LARGE1: variants seen among roughly 807,000 people sequenced by gnomAD.
LARGE1 encodes LARGE xylosyl- and glucuronyltransferase 1.
Under a neutral mutation model 87.6 loss-of-function variants are expected in LARGE1, and 43 were observed. The observed-to-expected ratio is 0.49, with a 90% CI of 0.38 to 0.63. The LOEUF is 0.63. Among genes scored for constraint, LARGE1 ranks in the 30% least tolerant of loss-of-function variants. The pLI is 0.00. For synonymous variants in LARGE1, 434 were observed against 394.6 expected, an observed-to-expected ratio of 1.10 and a Z score of -1.18; for missense variants, 802 against 1,000.2, an observed-to-expected ratio of 0.80 and a Z score of 2.67.
chr22:33,518,454 A>C (rs2148488727), intron 6 of LARGE1, among the ~76,000 whole-genome samples: 1 of 152,358 alleles, frequency 6.6e-6, no homozygotes, highest in East Asian at 1.9e-4. Context: ...GAATAAAGGC[A>C]CATGCCACCA....
In LARGE1 at chr22:33,604,569, TG is replaced by T; in HGVS notation, c.492-12del. 1 of 1,613,624 alleles carries T rather than the reference TG, an allele frequency of 6.2e-7. No homozygotes were observed. The highest frequency in any genetic ancestry group is 8.5e-7 in the Non-Finnish European group (1 of 1,179,864). On this transcript the variant is annotated splice_polypyrimidine_tract_variant and intron_variant, in intron 4 of 14. Transcript: ENST00000397394. ...TGCAGAGGGTTCCGTCTGTGGGGAG[TG>T]TGAGAAGGAAGGGTCAGGTGGAGAG... is the stretch of plus-strand genomic sequence containing the variant.
rs564939998 is a variant in LARGE1 at position 33,488,059 on chromosome 22, T to C, written c.788-55794A>G. ...TGTTTCCCAGAAAAGAGGTTTTCTA[T>C]AGTTCTGGGGTCAAACACTTTGCTG... On this transcript the variant is annotated intron_variant, in intron 6 of 14. Transcript: ENST00000397394. Among the ~76,000 whole-genome samples the C allele has an allele frequency of 8.5e-5, 13 of 152,342 alleles. No individual in the cohort carries two copies. In the South Asian group the frequency reaches 2.7e-3, roughly 32 times the overall value.
the LARGE1 span, among the ~76,000 whole-genome samples, chr22:33,096,917 G>C: frequency 6.6e-6 from 1 of 152,210 alleles, no homozygotes. Flanking sequence ...GACTGGATAT[G>C]TTCAAATCTG....
chr22:33,197,663 A>G (rs73395959), intron 11 of LARGE1, among the ~76,000 whole-genome samples: 4,841 of 152,172 alleles, frequency 0.032, 270 homozygotes, highest in African/African-American at 0.11. Flanking sequence ...AGATACATAC[A>G]ATATTTCTAA....
intron 1 of LARGE1, among the ~76,000 whole-genome samples, chr22:33,770,834 A>G (rs1277393722): frequency 6.6e-6 from 1 of 152,188 alleles, no homozygotes; most frequent in East Asian, 1.9e-4. Flanking sequence ...CATAATCCAA[A>G]TGGGAGGTCA....
chr22:33,200,183 A>G (rs1281747549), intron 11 of LARGE1, among the ~76,000 whole-genome samples: 1 of 152,176 alleles, frequency 6.6e-6, no homozygotes, highest in African/African-American at 2.4e-5. Flanking sequence ...TCAATGAACA[A>G]AAGTGACGAA....
chr22:33,588,320 A>T (rs2078738269), intron 5 of LARGE1, among the ~76,000 whole-genome samples: 1 of 152,238 alleles, frequency 6.6e-6, no homozygotes, highest in South Asian at 2.1e-4. Flanking sequence ...TGGAAAGATA[A>T]CCTATAGAAG....
At chr22:33,502,866 A>C (rs367842316) in intron 6 of LARGE1, among the ~76,000 whole-genome samples, 23 of 152,040 alleles carry the variant, frequency 1.5e-4, no homozygotes, top group African/African-American at 5.3e-4. Flanking sequence ...AAATTGAAGC[A>C]CAAGTGCTGG....
At chr22:33,324,261 C>CCA (rs1937032310) in intron 10 of LARGE1, among the ~76,000 whole-genome samples, 5 of 94,674 alleles carry the variant, frequency 5.3e-5, no homozygotes, top group African/African-American at 8.7e-5. Context: ...AAAAAAAAGC[C>CCA]AAAAAAACAA....
chr22:33,273,034 C>T lies in LARGE1; in HGVS notation c.*1393G>A, dbSNP rs1003371291. 5.0e-5 allele frequency: 9 copies of T among 180,802 alleles called. No individual in the cohort carries two copies. Among genetic ancestry groups the T allele is most frequent in the Non-Finnish European group, 9.2e-5 (8 of 87,402 alleles). 11.2% of individuals were successfully genotyped at this position (180,802 alleles called of 1,614,324 possible). A position where few individuals can be genotyped will look rare whatever the true frequency, so the allele number is the denominator to read the frequency against. Reference sequence around the variant, plus strand: ...TCCACTGCAATTTAGCTCTCTATGTCAAGGTGTGTCTCAGTAGCTTCCTGC... The same window carrying T: ...TCCACTGCAATTTAGCTCTCTATGTTAAGGTGTGTCTCAGTAGCTTCCTGC... On this transcript the variant is annotated 3_prime_UTR_variant, in exon 15 of 15. Coordinates refer to ENST00000397394, the MANE Select transcript of LARGE1 (RefSeq NM_133642.5).
intron 1 of LARGE1, among the ~76,000 whole-genome samples, chr22:33,862,407 G>A (rs1202969218): frequency 6.6e-6 from 1 of 152,150 alleles, no homozygotes; most frequent in Non-Finnish European, 1.5e-5. Flanking sequence ...AACAATACAG[G>A]CGATCTTCTC....
rs533376979 is a variant in LARGE1, at chr22:33,823,580, G to T, written c.-82-62022C>A. Among the ~76,000 whole-genome samples, 6 of 152,268 alleles carry T rather than the reference G, an allele frequency of 3.9e-5. No individual in the cohort carries two copies. In the South Asian group the frequency reaches 1.2e-3, roughly 32 times the overall value. Reference sequence around the variant, plus strand: ...ACAGCCTCACGCACCCCTCAGATAGGTCCGACGACATGATTTGTCCCTGTC... The same window carrying T: ...ACAGCCTCACGCACCCCTCAGATAGTTCCGACGACATGATTTGTCCCTGTC... On this transcript the variant is annotated intron_variant, in intron 1 of 14. Coordinates refer to ENST00000397394, the MANE Select transcript of LARGE1 (RefSeq NM_133642.5).
intron 9 of LARGE1, among the ~76,000 whole-genome samples, chr22:33,356,061 A>G (rs1940864496): frequency 6.6e-6 from 1 of 152,214 alleles, no homozygotes; most frequent in African/African-American, 2.4e-5. Flanking sequence ...ATTTTAAATA[A>G]GTCCAATTAA....
intron 11 of LARGE1, among the ~76,000 whole-genome samples, chr22:33,227,581 T>C (rs937020863): frequency 1.1e-4 from 16 of 152,278 alleles, no homozygotes; most frequent in African/African-American, 2.6e-4. Flanking sequence ...CCCAAACCTG[T>C]CTTTTAAAAA....
the LARGE1 span, among the ~76,000 whole-genome samples, chr22:33,149,046 T>C: frequency 6.9e-6 from 1 of 145,774 alleles, no homozygotes; most frequent in African/African-American, 2.5e-5. Context: ...TTTTCTTTTT[T>C]TTTTTTTTTG....
chr22:33,441,373 C>T (rs886584343), intron 6 of LARGE1, among the ~76,000 whole-genome samples: 8 of 152,030 alleles, frequency 5.3e-5, no homozygotes, highest in Non-Finnish European at 7.4e-5. Flanking sequence ...CACAGCCAGC[C>T]TCTTTGAACT....
At chr22:33,248,234 C>T (rs1001710072) in intron 11 of LARGE1, among the ~76,000 whole-genome samples, 2 of 152,152 alleles carry the variant, frequency 1.3e-5, no homozygotes, top group African/African-American at 4.8e-5. Flanking sequence ...GTCACCCAGG[C>T]TGAAGTGCAG....
chr22:33,416,075 T>C (rs1166032177), intron 7 of LARGE1, among the ~76,000 whole-genome samples: 1 of 151,728 alleles, frequency 6.6e-6, no homozygotes, highest in African/African-American at 2.4e-5. Context: ...TCTGCCAATC[T>C]CGTGAGTCTA....
chr22:33,220,304 G>A (rs2145620420), intron 11 of LARGE1, among the ~76,000 whole-genome samples: 1 of 152,244 alleles, frequency 6.6e-6, no homozygotes, highest in Non-Finnish European at 1.5e-5. Flanking sequence ...TCGGAGGCTA[G>A]GTAATAAAAC....
Sources: gnomAD v4.1 joint callset for allele counts (sites outside exome capture counted in the v4.1 genomes callset) on GRCh38, gnomAD v4.1.1 for gene constraint, MANE v1.5 for transcripts, NCBI Gene and HGNC (gene_info 2026-07-23, HGNC 2026-07-21) for gene names.